MAPK10: variants seen among roughly 807,000 people sequenced by gnomAD.
The protein encoded by MAPK10 is JNK3 alpha protein kinase.
Under a neutral mutation model 59.3 loss-of-function variants are expected in MAPK10, and 25 were observed. The observed-to-expected ratio is 0.42, with a 90% confidence interval of 0.31 to 0.59. The LOEUF (loss-of-function observed/expected upper bound fraction) is 0.59, where lower values mean the gene tolerates loss of function less well. Among genes scored for constraint, MAPK10 ranks in the 20% least tolerant of loss-of-function variants. MAPK10 has a pLI of 0.15. For synonymous variants in MAPK10, 190 were observed against 200.5 expected (o/e 0.95, Z 0.44); for missense variants, 351 against 568.9 (o/e 0.62, Z 3.90).
At chr4:86,267,664 T>G (rs114305397) in intron 2 of MAPK10, among the ~76,000 whole-genome samples, 1 of 152,072 alleles carries the variant, frequency 6.6e-6, no homozygotes. Context: ...CACACACCCG[T>G]TTCATGATTT....
At chr4:86,370,991 C>A (rs1369831764) in intron 1 of MAPK10, 1 of 152,142 alleles carries the variant, frequency 6.6e-6, no homozygotes, top group Admixed American at 6.5e-5. Flanking sequence ...GTAAAGAGAT[C>A]ACTTTCCTAG....
chr4:86,102,260 A>C, intron 6 of MAPK10: 1 of 417,256 alleles, frequency 2.4e-6, no homozygotes, highest in Non-Finnish European at 4.3e-6. Flanking sequence ...TCATGTCCAC[A>C]GATTTGTTAC....
At chr4:86,113,432 T>G (rs1259696055) in intron 4 of MAPK10, among the ~76,000 whole-genome samples, 1 of 152,190 alleles carries the variant, frequency 6.6e-6, no homozygotes, top group Non-Finnish European at 1.5e-5. Context: ...TCCCTCAGCA[T>G]TTGCTTGTCT....
intron 3 of MAPK10, chr4:86,171,008 G>C (rs1489853549): frequency 6.6e-6 from 1 of 152,028 alleles, no homozygotes; most frequent in Non-Finnish European, 1.5e-5. Flanking sequence ...CAGAAATAAA[G>C]ATGTTCTTTG....
intron 4 of MAPK10, among the ~76,000 whole-genome samples, chr4:86,126,328 G>A (rs964970278): frequency 7.2e-5 from 11 of 151,786 alleles, no homozygotes. Context: ...TTCTACCTTT[G>A]CAGCAGTTTA....
chr4:86,444,343 T>A lies in MAPK10; in HGVS notation c.-122+8687A>T, dbSNP rs796556192. On this transcript the variant is annotated intron_variant, in intron 1 of 13. Coordinates refer to the MAPK10 transcript ENST00000361569. ...GAAGCCAGAGGGATTTAATAAATAGTGCTGGCAGAACTGGATAAACATATT... is the reference window on the plus strand; with the variant it reads ...GAAGCCAGAGGGATTTAATAAATAGAGCTGGCAGAACTGGATAAACATATT... 2.6e-5 allele frequency among the ~76,000 whole-genome samples: 4 copies of A among 152,136 alleles called. No individual in the cohort carries two copies. The South Asian group carries it at 8.3e-4, about 32-fold the overall frequency.
intron 2 of MAPK10, among the ~76,000 whole-genome samples, chr4:86,250,161 C>A (rs115873350): frequency 1.9e-4 from 29 of 152,242 alleles, no homozygotes; most frequent in Admixed American, 1.4e-3. Flanking sequence ...CATAGGAATG[C>A]CGATCTTTAC....
chr4:86,414,792 GGT>G (rs989366793), intron 1 of MAPK10, among the ~76,000 whole-genome samples: 8 of 151,752 alleles, frequency 5.3e-5, no homozygotes, highest in Admixed American at 5.2e-4. Context: ...AATACAATTG[GGT>G]ATTTTGGCAA....
chr4:86,111,761 T>G (rs1488169388), intron 4 of MAPK10, among the ~76,000 whole-genome samples: 1 of 152,022 alleles, frequency 6.6e-6, no homozygotes, highest in African/African-American at 2.4e-5. Flanking sequence ...TTAGGAAGAG[T>G]CCCTCCTTTT....
intron 1 of MAPK10, among the ~76,000 whole-genome samples, chr4:86,501,564 A>G (rs1755328920): frequency 6.6e-6 from 1 of 151,994 alleles, no homozygotes. Flanking sequence ...CTTTTTTATA[A>G]TTAGTTGGGT....
At chr4:86,546,489 G>T (rs989952631) in intron 1 of MAPK10, among the ~76,000 whole-genome samples, 1 of 151,698 alleles carries the variant, frequency 6.6e-6, no homozygotes, top group Admixed American at 6.6e-5. Flanking sequence ...CCTGGGAAGC[G>T]GAGGTTGCAG....
At chr4:86,192,362 G>A (rs1160743945) in intron 3 of MAPK10, 4 of 152,142 alleles carry the variant, frequency 2.6e-5, no homozygotes, top group Non-Finnish European at 4.4e-5. Context: ...ATCCTAAAGA[G>A]TGTTTTTCAA....
At chr4:86,516,673 C>A (rs1053058155) in intron 1 of MAPK10, among the ~76,000 whole-genome samples, 1 of 151,794 alleles carries the variant, frequency 6.6e-6, no homozygotes, top group Non-Finnish European at 1.5e-5. Context: ...TGTTTGTTTG[C>A]AGCTACTGTA....
At chr4:86,538,468 A>G (rs567197842) in intron 1 of MAPK10, among the ~76,000 whole-genome samples, 2 of 152,300 alleles carry the variant, frequency 1.3e-5, no homozygotes, top group African/African-American at 4.8e-5. Context: ...GCCCGGTCCA[A>G]TAAATCTTAA....
At chr4:86,103,313 A>G in intron 5 of MAPK10, 69 bp from the exon 6 acceptor site, 2 of 855,978 alleles carry the variant, frequency 2.3e-6, no homozygotes, top group Non-Finnish European at 3.9e-6. Context: ...TTATTTTTAA[A>G]TTGTATTTCA....
upstream of MAPK10, chr4:86,360,077 A>G (rs1033280408): frequency 5.4e-5 from 53 of 985,792 alleles, no homozygotes; most frequent in Non-Finnish European, 6.3e-5. Flanking sequence ...GGAGACGGAC[A>G]GAGGGCTTGG....
intron 1 of MAPK10, among the ~76,000 whole-genome samples, chr4:86,421,544 G>C (rs1039190510): frequency 3.9e-5 from 6 of 152,140 alleles, no homozygotes; most frequent in Non-Finnish European, 7.3e-5. Flanking sequence ...GGTAGCATCT[G>C]AGCTTGTATC....
At chr4:86,089,133 T>C in intron 9 of MAPK10, 1 of 1,105,998 alleles carries the variant, frequency 9.0e-7, no homozygotes, top group Non-Finnish European at 1.3e-6. Flanking sequence ...CCATAAGCAG[T>C]ACTGCATTTG....
At chr4:86,163,575 T>C (rs2070588524) in intron 3 of MAPK10, among the ~76,000 whole-genome samples, 1 of 152,104 alleles carries the variant, frequency 6.6e-6, no homozygotes, top group African/African-American at 2.4e-5. Flanking sequence ...GCTTAGCCAA[T>C]ACTTGGTCTA....
Sources: gnomAD v4.1 joint callset for allele counts (sites outside exome capture counted in the v4.1 genomes callset) on GRCh38, gnomAD v4.1.1 for gene constraint, MANE v1.5 for transcripts, NCBI Gene and HGNC (gene_info 2026-07-23, HGNC 2026-07-21) for gene names.